Variants in BEST3 observed in about 807,000 individuals in gnomAD.
BEST3 encodes the protein bestrophin-3.
A neutral mutation model predicts 47.1 loss-of-function variants in BEST3; 50 were observed. The ratio of observed to expected loss-of-function variants is 1.06; its 90% CI spans 0.85 to 1.34. BEST3 has a LOEUF of 1.34. Among genes scored for constraint, BEST3 ranks in the 40% most tolerant of loss-of-function variants. BEST3 has a pLI of 0.00. For missense variants in BEST3, 765 were observed against 817.0 expected (o/e 0.94, Z 0.78); for synonymous variants, 282 against 298.8 (o/e 0.94, Z 0.58).
At position 69,677,019 on chromosome 12, in the gene BEST3, CG is replaced by C; in HGVS notation, c.763del (p.Arg255AlafsTer36). On this transcript the variant is annotated frameshift_variant, in exon 7 of 10. Coordinates refer to ENST00000330891, the MANE Select transcript of BEST3 (RefSeq NM_032735.3). LOFTEE classifies it high-confidence loss of function. Reference sequence around the variant, plus strand: ...GCCTTTGGTGGGATCCAAAAACTGGCGTCCAATCAGGCACGCAAAGAAGAAG... The same window carrying C: ...GCCTTTGGTGGGATCCAAAAACTGGCTCCAATCAGGCACGCAAAGAAGAAG... ...YTFFFACLIG[R>X]QFLDPTKGYA... 1 of 1,614,114 alleles carries C rather than the reference CG, an allele frequency of 6.2e-7. No individual in the cohort carries two copies. Among genetic ancestry groups the C allele is most frequent in the Non-Finnish European group, 8.5e-7 (1 of 1,180,018 alleles).
Position 69,676,913 on chromosome 12 carries a change from T to C in BEST3, c.867+3A>G, listed in dbSNP as rs757459680. 27 of 1,613,230 alleles carry C rather than the reference T, an allele frequency of 1.7e-5. No individual in the cohort carries two copies. Among genetic ancestry groups the C allele is most frequent in the Non-Finnish European group, 2.3e-5 (27 of 1,179,646 alleles). ...AAAGTGGGGCCCTGAGACCACTGGC[T>C]ACCTTAAGCCATCCTGCATAGAAGA... On this transcript the variant is annotated splice_donor_region_variant and intron_variant, in intron 7 of 9. Transcript: ENST00000330891.
intron 9 of BEST3, among the ~76,000 whole-genome samples, chr12:69,658,810 A>T (rs553505763): frequency 6.6e-6 from 1 of 152,362 alleles, no homozygotes; most frequent in South Asian, 2.1e-4. Flanking sequence ...AATCTGTGTG[A>T]AACACACAGA....
Position 69,678,901 on chromosome 12 carries a change from A to C in BEST3, c.482-8T>G. On this transcript the variant is annotated splice_polypyrimidine_tract_variant and splice_region_variant and intron_variant, in intron 4 of 9. Coordinates refer to ENST00000330891, the MANE Select transcript of BEST3 (RefSeq NM_032735.3). ...CATCTGTTGTCATAAAACCTTTACA[A>C]AAAAATAAAAATCGGTAGGTATACA... 2.5e-6 allele frequency: 4 copies of C among 1,610,016 alleles called. No individual in the cohort carries two copies. The highest frequency in any genetic ancestry group is 3.4e-6 in the Non-Finnish European group (4 of 1,177,382).
downstream of BEST3, chr12:69,653,548 C>G: frequency 5.4e-6 from 4 of 747,154 alleles, no homozygotes; most frequent in Non-Finnish European, 6.5e-6. Flanking sequence ...ATGGAAATAA[C>G]AGTATATCAG....
Position 69,654,597 on chromosome 12 carries a change from T to G in BEST3, c.*310A>C. 9.3e-7 allele frequency: 1 copy of G among 1,076,554 alleles called. No homozygotes were observed. The highest frequency in any genetic ancestry group is 1.1e-6 in the Non-Finnish European group (1 of 886,872). 66.7% of individuals were successfully genotyped at this position (1,076,554 alleles called of 1,614,324 possible). ...ATGAGACTCTTTCCACAACTAATAATCTATGAATTTATAAGTCATGTATGT... is the reference window on the plus strand; with the variant it reads ...ATGAGACTCTTTCCACAACTAATAAGCTATGAATTTATAAGTCATGTATGT... On this transcript the variant is annotated 3_prime_UTR_variant, in exon 10 of 10. Coordinates refer to ENST00000330891, the MANE Select transcript of BEST3 (RefSeq NM_032735.3).
At chr12:69,664,960 C>T (rs772276357) in intron 9 of BEST3, among the ~76,000 whole-genome samples, 17 of 152,188 alleles carry the variant, frequency 1.1e-4, no homozygotes, top group Non-Finnish European at 2.1e-4. Flanking sequence ...CTTTCTTCGC[C>T]ACCAACATCT....
chr12:69,684,495 G>A (rs1320846142), intron 4 of BEST3: 1 of 593,820 alleles, frequency 1.7e-6, no homozygotes. Flanking sequence ...TGAAGTTGAG[G>A]CAGATGTCTT....
intron 4 of BEST3, among the ~76,000 whole-genome samples, chr12:69,689,845 A>T (rs1592374187): frequency 6.6e-6 from 1 of 152,174 alleles, no homozygotes; most frequent in African/African-American, 2.4e-5. Flanking sequence ...TTTGTAATTC[A>T]TGACCCTCAA....
intron 9 of BEST3, among the ~76,000 whole-genome samples, chr12:69,665,367 C>T (rs892262806): frequency 2.6e-4 from 39 of 152,230 alleles, no homozygotes; most frequent in Non-Finnish European, 5.1e-4. Context: ...CCAAGGTGGG[C>T]GGATCACTTG....
chr12:69,670,152 C>A, intron 9 of BEST3: 1 of 282,936 alleles, frequency 3.5e-6, no homozygotes, highest in Non-Finnish European at 6.7e-6. Flanking sequence ...GAGATGATTG[C>A]TGGATGTCCA....
At chr12:69,672,822 G>T in intron 8 of BEST3, 63 bp downstream of exon 8, 1 of 1,258,442 alleles carries the variant, frequency 7.9e-7, no homozygotes, top group Non-Finnish European at 1.1e-6. Flanking sequence ...AATCTGCTTA[G>T]ATTTGAAATA....
At chr12:69,670,764 TTTTTG>T (rs554949152) in intron 9 of BEST3, among the ~76,000 whole-genome samples, 51 of 152,082 alleles carry the variant, frequency 3.4e-4, no homozygotes, top group African/African-American at 1.1e-3. Flanking sequence ...TGCTACAGTT[TTTTTG>T]TTTTGTTTTG....
At position 69,655,702 on chromosome 12, in the gene BEST3, G is replaced by A. The variant is rs199776780; in HGVS notation, c.1212C>T (p.His404=). The part of the protein sequence containing the change: ...RVKRFLSAHE[H]PSSPRRRSYR... ...AGCTTCTTCTTCTGGGGCTGGAGGG[G>A]TGTTCGTGGGCACTCAGGAACCGCT... Residue 404 remains histidine (H), a synonymous_variant, in exon 10 of 10, where the codon CAC becomes CAT. Transcript: ENST00000330891. 1.5e-4 allele frequency: 237 copies of A among 1,613,902 alleles called. 1 individual carries two copies. The highest frequency in any genetic ancestry group is 1.7e-4 in the Non-Finnish European group (204 of 1,180,010).
At chr12:69,652,255 C>T (rs1883234691), downstream of BEST3, among the ~76,000 whole-genome samples, 1 of 152,148 alleles carries the variant, frequency 6.6e-6, no homozygotes, top group Non-Finnish European at 1.5e-5. Flanking sequence ...TGAGCCTGTT[C>T]TTGGAATGGG....
intron 4 of BEST3, 109 bp downstream of exon 4, chr12:69,693,565 A>G: frequency 1.0e-6 from 1 of 983,542 alleles, no homozygotes; most frequent in Admixed American, 2.4e-5. Flanking sequence ...GCGCCCAACC[A>G]ATAAATGTTT....
At position 69,697,691 on chromosome 12, in the gene BEST3, A is replaced by C. The variant is rs757859038; in HGVS notation, c.108T>G (p.Phe36Leu). The stretch of plus-strand genomic sequence containing the variant: ...CTGTATAAAGAACAGCAAAAACAAT[A>C]AATTCCCTGTACAGTAGTTTGTAGA... ...GSIYKLLYRE[F>L]IVFAVLYTAI... The change falls in exon 2 of 10, where the codon TTT becomes TTG. Residue 36 changes from phenylalanine to leucine, a missense_variant. Phe to Leu is a conservative substitution (Grantham distance 22). Coordinates refer to ENST00000330891, the MANE Select transcript of BEST3 (RefSeq NM_032735.3). 3.1e-6 allele frequency: 5 copies of C among 1,610,420 alleles called. 1 individual carries two copies. The South Asian group carries it at 4.4e-5, about 14-fold the overall frequency.
downstream of BEST3, among the ~76,000 whole-genome samples, chr12:69,650,613 G>C (rs1883176896): frequency 6.6e-6 from 1 of 152,160 alleles, no homozygotes; most frequent in South Asian, 2.1e-4. Flanking sequence ...AACTGATCCA[G>C]GACCAGGTTT....
In BEST3 at chr12:69,655,604, T is replaced by G. The variant is rs750181711; in HGVS notation, c.1310A>C (p.Asp437Ala). 6.2e-7 allele frequency: 1 copy of G among 1,613,784 alleles called. No individual in the cohort carries two copies. The change falls in exon 10 of 10, where the codon GAT becomes GCT. Residue 437 changes from aspartate to alanine, a missense_variant. By Grantham distance (126) the Asp-to-Ala change is moderately radical (BLOSUM62 -2). Transcript: ENST00000330891. ...CCTGGGGGGGTTTCTTGAGGGCACA[T>G]CCAGTAGGTCCCTGGCTGGGCTGAG... ...DDLSPARDLL[D>A]VPSRNPPRAS...
At chr12:69,688,196 A>C (rs1038769817) in intron 4 of BEST3, among the ~76,000 whole-genome samples, 1 of 152,188 alleles carries the variant, frequency 6.6e-6, no homozygotes, top group Admixed American at 6.5e-5. Flanking sequence ...TAAGGTCATC[A>C]CTTGACTCAG....
Sources: gnomAD v4.1 joint callset for allele counts (sites outside exome capture counted in the v4.1 genomes callset) on GRCh38, gnomAD v4.1.1 for gene constraint, MANE v1.5 for transcripts, NCBI Gene and HGNC (gene_info 2026-07-23, HGNC 2026-07-21) for gene names.